SGK1: variants seen among roughly 807,000 people sequenced by gnomAD.
SGK1 encodes serum/glucocorticoid regulated kinase 1.
A neutral mutation model predicts 64.2 loss-of-function variants in SGK1; 26 were observed. The ratio of observed to expected loss-of-function variants is 0.40; its 90% CI spans 0.30 to 0.56. The LOEUF is 0.56. Ranked by LOEUF, SGK1 falls within the 20% of genes least tolerant of loss-of-function variation. The pLI is 0.38. For missense variants in SGK1, 519 were observed against 645.6 expected (o/e 0.80, Z 2.12); for synonymous variants, 265 against 239.7 (o/e 1.11, Z -0.98).
intron 3 of SGK1, among the ~76,000 whole-genome samples, chr6:134,194,582 G>A (rs544251637): frequency 1.3e-5 from 2 of 149,066 alleles, no homozygotes; most frequent in South Asian, 4.2e-4. Flanking sequence ...GCAGTGGCAC[G>A]ATCTCGGCTC....
Position 134,207,021 on chromosome 6 carries a change from C to T in SGK1, c.361+335G>A, listed in dbSNP as rs111950555. Among the ~76,000 whole-genome samples the T allele has an allele frequency of 2.5e-3, 377 of 152,058 alleles. 4 individuals carry two copies. Among genetic ancestry groups the T allele is most frequent in the African/African-American group, 7.9e-3 (329 of 41,494 alleles). On this transcript the variant is annotated intron_variant, in intron 3 of 13. Coordinates refer to ENST00000367858, the MANE Select transcript of SGK1 (RefSeq NM_001143676.3). Reference sequence around the variant, plus strand: ...CGGGCGAATCACAAGGTCAGGAGATCGAGACCATCCTGGCTGACACGGTGA... The same window carrying T: ...CGGGCGAATCACAAGGTCAGGAGATTGAGACCATCCTGGCTGACACGGTGA...
At chr6:134,208,822 GTATA>G (rs998849345) in intron 2 of SGK1, among the ~76,000 whole-genome samples, 3 of 148,908 alleles carry the variant, frequency 2.0e-5, no homozygotes, top group Admixed American at 2.0e-4. Context: ...ATACACGCAT[GTATA>G]TATATGTATG....
At chr6:134,254,450 C>CT (rs147101919) in intron 2 of SGK1, among the ~76,000 whole-genome samples, 7,711 of 152,178 alleles carry the variant, frequency 0.051, 305 homozygotes, top group Non-Finnish European at 0.074. Flanking sequence ...GTGATGCTGC[C>CT]TGGCTTCCTA....
intron 2 of SGK1, among the ~76,000 whole-genome samples, chr6:134,248,564 G>C (rs900941136): frequency 6.7e-6 from 1 of 149,064 alleles, no homozygotes; most frequent in African/African-American, 2.5e-5. Flanking sequence ...TGGTTCTCCT[G>C]CCTCAGCCTC....
At chr6:134,204,448 C>T (rs1353146172) in intron 3 of SGK1, among the ~76,000 whole-genome samples, 11 of 126,092 alleles carry the variant, frequency 8.7e-5, no homozygotes, top group Non-Finnish European at 1.3e-4. Context: ...CCAGCCTGGG[C>T]GACAGAGCAA....
At chr6:134,311,088 G>C (rs1777602072) in intron 1 of SGK1, among the ~76,000 whole-genome samples, 1 of 152,122 alleles carries the variant, frequency 6.6e-6, no homozygotes, top group Non-Finnish European at 1.5e-5. Context: ...GTGACAGCTT[G>C]TCTTTGAGCC....
At chr6:134,189,835 G>GTT (rs35417693) in intron 3 of SGK1, among the ~76,000 whole-genome samples, 1,786 of 151,790 alleles carry the variant, frequency 0.012, 27 homozygotes, top group African/African-American at 0.039. Context: ...TGTAAGTACT[G>GTT]TTTTTTTTGG....
intron 1 of SGK1, among the ~76,000 whole-genome samples, chr6:134,266,584 C>T (rs1189663473): frequency 5.3e-5 from 8 of 151,968 alleles, no homozygotes; most frequent in Non-Finnish European, 1.2e-4. Context: ...GCACTGCATT[C>T]CAGCCTGGGT....
chr6:134,221,114 G>A (rs1013002144), intron 2 of SGK1, among the ~76,000 whole-genome samples: 1 of 152,070 alleles, frequency 6.6e-6, no homozygotes, highest in Non-Finnish European at 1.5e-5. Flanking sequence ...AACCAGCCTG[G>A]CCAACATGGT....
At chr6:134,300,634 T>G (rs1464694434) in intron 1 of SGK1, among the ~76,000 whole-genome samples, 3 of 129,678 alleles carry the variant, frequency 2.3e-5, no homozygotes, top group Admixed American at 7.4e-5. Context: ...AATGTTTGGT[T>G]TTTTTTTTTT....
intron 13 of SGK1, 43 bp downstream of exon 13, chr6:134,170,783 C>A (rs1332279690): frequency 2.4e-6 from 3 of 1,242,674 alleles, no homozygotes; most frequent in African/African-American, 3.0e-5. Context: ...AAAATAAATG[C>A]CCTTTGGGCT....
At chr6:134,261,035 T>C (rs1443105704) in intron 2 of SGK1, 1 of 152,200 alleles carries the variant, frequency 6.6e-6, no homozygotes, top group Non-Finnish European at 1.5e-5. Context: ...AGTTATAAGT[T>C]AAAAATATAA....
At chr6:134,186,348 T>C (rs923442131) in intron 3 of SGK1, among the ~76,000 whole-genome samples, 1 of 152,160 alleles carries the variant, frequency 6.6e-6, no homozygotes, top group African/African-American at 2.4e-5. Context: ...TACTATGATA[T>C]AAAATTAACA....
chr6:134,239,499 A>G (rs917439154), intron 2 of SGK1, among the ~76,000 whole-genome samples: 2 of 152,218 alleles, frequency 1.3e-5, no homozygotes, highest in African/African-American at 4.8e-5. Flanking sequence ...GGGCTCTTCT[A>G]GGTCTCAATT....
chr6:134,261,024 A>G (rs1381780544), intron 2 of SGK1: 2 of 152,200 alleles, frequency 1.3e-5, no homozygotes, highest in East Asian at 3.8e-4. Context: ...GGGCCTAATT[A>G]AGTTATAAGT....
intron 3 of SGK1, among the ~76,000 whole-genome samples, chr6:134,191,546 G>A (rs1304073190): frequency 2.0e-5 from 3 of 152,122 alleles, no homozygotes; most frequent in East Asian, 1.9e-4. Context: ...ACCTATCAGC[G>A]AAATGAACAT....
chr6:134,197,495 A>G (rs1290168779), intron 3 of SGK1, among the ~76,000 whole-genome samples: 1 of 152,142 alleles, frequency 6.6e-6, no homozygotes. Context: ...AGCTATTGTT[A>G]TGTTGAGGTC....
intron 1 of SGK1, among the ~76,000 whole-genome samples, chr6:134,299,192 A>C (rs1457941378): frequency 7.2e-6 from 1 of 139,132 alleles, no homozygotes; most frequent in African/African-American, 2.7e-5. Context: ...TCATCCTTAC[A>C]AAAAAATTAC....
At chr6:134,261,336 A>AG (rs2114747591) in intron 2 of SGK1, 1 of 156,510 alleles carries the variant, frequency 6.4e-6, no homozygotes, top group East Asian at 1.9e-4. Context: ...ACCACTTCTG[A>AG]GGAATTGCCA....
Sources: allele counts gnomAD v4.1 joint callset (sites outside exome capture counted in the v4.1 genomes callset), GRCh38; gene constraint gnomAD v4.1.1; transcripts MANE v1.5; gene names NCBI Gene and HGNC (gene_info 2026-07-23, HGNC 2026-07-21).